The following MKRN3 variants were observed in gnomAD, a reference collection of about 807,000 sequenced individuals.
The protein encoded by MKRN3 is makorin ring finger protein 3, also known as E3 ubiquitin-protein ligase makorin-3.
For missense variants in MKRN3, 749 were observed against 667.0 expected (o/e 1.12, Z -1.35); for synonymous variants, 301 against 250.2 (o/e 1.20, Z -1.91).
In MKRN3 at chr15:23,566,821, T is replaced by A; in HGVS notation, c.1039T>A (p.Trp347Arg). ...HSFCIRCIRR[W>R]RSARQFENRI... ...CTTCTGTATTAGGTGTATCCGCAGG[T>A]GGAGAAGTGCCAGACAGTTTGAGAA... Residue 347 changes from tryptophan to arginine, a missense_variant, in exon 1 of 1, where the codon TGG (tryptophan) becomes AGG (arginine). Trp to Arg is a moderately radical substitution (Grantham distance 101). Transcript: ENST00000314520. 6.2e-7 allele frequency: 1 copy of A among 1,614,180 alleles called. No homozygotes were observed. The highest frequency in any genetic ancestry group is 8.5e-7 in the Non-Finnish European group (1 of 1,180,040).
chr15:23,567,380 ACT>A lies in MKRN3; in HGVS notation c.*77_*78del. ...TATTGCCTGTTTTCCCTGTGTTGAC[ACT>A]CTTACTGCTTTCAGGGGCTGTTGAG... On this transcript the variant is annotated 3_prime_UTR_variant, in exon 1 of 1. Coordinates refer to ENST00000314520, the MANE Select transcript of MKRN3 (RefSeq NM_005664.4). 1 of 1,557,584 alleles carries A rather than the reference ACT, an allele frequency of 6.4e-7. No homozygotes were observed. The highest frequency in any genetic ancestry group is 8.7e-7 in the Non-Finnish European group (1 of 1,152,748).
At position 23,566,140 on chromosome 15, in the gene MKRN3, G is replaced by A. The variant is rs772698198; in HGVS notation, c.358G>A (p.Asp120Asn). 3 of 1,613,986 alleles carry A rather than the reference G, an allele frequency of 1.9e-6. No homozygotes were observed. Among genetic ancestry groups the A allele is most frequent in the African/African-American group, 1.3e-5 (1 of 74,940 alleles). The part of the protein sequence containing the change: ...KEGENCRYSH[D>N]LSGRKMATEG... ...GGGGGAGAACTGTCGCTATTCGCAC[G>A]ACCTTTCTGGTCGGAAGATGGCCAC... Residue 120 changes from aspartate to asparagine, a missense_variant, in exon 1 of 1, where the codon GAC (aspartate) becomes AAC (asparagine). By Grantham distance (23) the Asp-to-Asn change is conservative (BLOSUM62 1). Coordinates refer to ENST00000314520, the MANE Select transcript of MKRN3 (RefSeq NM_005664.4).
Position 23,567,358 on chromosome 15 carries a change from T to C in MKRN3, c.*52T>C. On this transcript the variant is annotated 3_prime_UTR_variant, in exon 1 of 1. Transcript: ENST00000314520. Reference sequence around the variant, plus strand: ...CTGCTGAGGTTCTGTCGTCTGCTATTGCCTGTTTTCCCTGTGTTGACACTC... The same window carrying C: ...CTGCTGAGGTTCTGTCGTCTGCTATCGCCTGTTTTCCCTGTGTTGACACTC... The C allele has an allele frequency of 6.3e-7, 1 of 1,586,434 alleles. No individual in the cohort carries two copies. The highest frequency in any genetic ancestry group is 8.6e-7 in the Non-Finnish European group (1 of 1,165,630).
rs1406109267 is a variant in MKRN3, at chr15:23,567,061, G to A, written c.1279G>A (p.Gly427Arg). 2 of 1,614,240 alleles carry A rather than the reference G, an allele frequency of 1.2e-6. No homozygotes were observed. The highest frequency in any genetic ancestry group is 2.2e-5 in the East Asian group (1 of 44,878). The part of the protein sequence containing the change: ...FYKHEYPEGW[G>R]DEPPGPGGGS... The stretch of plus-strand genomic sequence containing the variant: ...CAAGCATGAATACCCTGAGGGCTGG[G>A]GAGATGAGCCTCCTGGGCCAGGTGG... The change falls in exon 1 of 1, where the codon GGA (glycine) becomes AGA (arginine). Residue 427 changes from glycine to arginine, a missense_variant. By Grantham distance (125) the Gly-to-Arg change is moderately radical (BLOSUM62 -2). Coordinates refer to ENST00000314520, the MANE Select transcript of MKRN3 (RefSeq NM_005664.4).
chr15:23,566,114 A>G lies in MKRN3; in HGVS notation c.332A>G (p.Glu111Gly). The change falls in exon 1 of 1, where the codon GAG (glutamate) becomes GGG (glycine). Residue 111 changes from glutamate to glycine, a missense_variant. Transcript: ENST00000314520. ...CRYYIHGQCK[E>G]GENCRYSHDL... Reference sequence around the variant, plus strand: ...TATTATATACATGGGCAGTGCAAGGAGGGGGAGAACTGTCGCTATTCGCAC... The same window carrying G: ...TATTATATACATGGGCAGTGCAAGGGGGGGGAGAACTGTCGCTATTCGCAC... 2 of 1,614,176 alleles carry G rather than the reference A, an allele frequency of 1.2e-6. No homozygotes were observed. The highest frequency in any genetic ancestry group is 1.7e-6 in the Non-Finnish European group (2 of 1,180,042).
Position 23,566,532 on chromosome 15 carries a change from A to C in MKRN3, c.750A>C (p.Gly250=). 1 of 1,613,962 alleles carries C rather than the reference A, an allele frequency of 6.2e-7. No individual in the cohort carries two copies. The highest frequency in any genetic ancestry group is 8.5e-7 in the Non-Finnish European group (1 of 1,179,968). The change falls in exon 1 of 1, where the codon GGA becomes GGC. Residue 250 remains glycine, a synonymous_variant. Coordinates refer to ENST00000314520, the MANE Select transcript of MKRN3 (RefSeq NM_005664.4). ...GLRFCYYASR[G]VCFRGESCMY... ...GGTTTTGCTATTATGCTTCCAGGGG[A>C]GTTTGCTTTCGTGGGGAGAGCTGTA...
In MKRN3 at chr15:23,566,264, C is replaced by G. The variant is rs200402711; in HGVS notation, c.482C>G (p.Pro161Arg). The change falls in exon 1 of 1, where the codon CCG becomes CGG. Residue 161 changes from proline to arginine, a missense_variant. Transcript: ENST00000314520. ...ACTCAGGAAGTGGCGGAAGCCCCCC[C>G]GGCTGCATCCTCCCTTTCCTTGCCT... ...PPTQEVAEAP[P>R]AASSLSLPVI... The G allele has an allele frequency of 5.0e-6, 8 of 1,613,794 alleles. No homozygotes were observed. The highest frequency in any genetic ancestry group is 5.9e-6 in the Non-Finnish European group (7 of 1,180,046).
rs1889085843 is a variant in MKRN3 at position 23,566,162 on chromosome 15, C to T, written c.380C>T (p.Ala127Val). ...YSHDLSGRKM[A>V]TEGGVSPPGA... ...CACGACCTTTCTGGTCGGAAGATGGCCACTGAGGGTGGCGTTTCGCCGCCT... is the reference window on the plus strand; with the variant it reads ...CACGACCTTTCTGGTCGGAAGATGGTCACTGAGGGTGGCGTTTCGCCGCCT... Residue 127 changes from alanine (A) to valine (V), a missense_variant, in exon 1 of 1, where the codon GCC (alanine) becomes GTC (valine). Coordinates refer to ENST00000314520, the MANE Select transcript of MKRN3 (RefSeq NM_005664.4). 3 of 1,613,996 alleles carry T rather than the reference C, an allele frequency of 1.9e-6. No homozygotes were observed. In the East Asian group the frequency reaches 6.7e-5, roughly 36 times the overall value.
Position 23,567,528 on chromosome 15 carries a change from C to A in MKRN3, c.*222C>A. The A allele has an allele frequency of 7.2e-7, 1 of 1,386,394 alleles. No individual in the cohort carries two copies. Among genetic ancestry groups the A allele is most frequent in the East Asian group, 2.8e-5 (1 of 35,930 alleles). The allele number at this position is 1,386,394 out of a possible 1,614,324, so 85.9% of individuals were successfully genotyped here. On this transcript the variant is annotated 3_prime_UTR_variant, in exon 1 of 1. Coordinates refer to ENST00000314520, the MANE Select transcript of MKRN3 (RefSeq NM_005664.4). ...TTGGTGAAATTAATATTAATGTCAGCTTATGGCTTTTTTTTGTCATCTCTG... is the reference window on the plus strand; with the variant it reads ...TTGGTGAAATTAATATTAATGTCAGATTATGGCTTTTTTTTGTCATCTCTG...
Position 23,567,263 on chromosome 15 carries a change from T to G in MKRN3, c.1481T>G (p.Leu494Trp), listed in dbSNP as rs780370596. 1 of 1,614,206 alleles carries G rather than the reference T, an allele frequency of 6.2e-7. No individual in the cohort carries two copies. The highest frequency in any genetic ancestry group is 1.7e-5 in the Admixed American group (1 of 60,024). ...ELPFSEDQWDLLHYELEEYFN... is the reference protein window; with the variant it reads ...ELPFSEDQWDWLHYELEEYFN... Reference sequence around the variant, plus strand: ...CCCTTCTCTGAGGACCAGTGGGACTTGCTTCATTATGAGCTGGAAGAATAT... The same window carrying G: ...CCCTTCTCTGAGGACCAGTGGGACTGGCTTCATTATGAGCTGGAAGAATAT... Residue 494 changes from leucine (L) to tryptophan (W), a missense_variant, in exon 1 of 1, where the codon TTG becomes TGG. Physicochemically the swap from Leu to Trp is moderately conservative, Grantham distance 61 (BLOSUM62 -2). Coordinates refer to ENST00000314520, the MANE Select transcript of MKRN3 (RefSeq NM_005664.4).
chr15:23,567,273 T>C lies in MKRN3; in HGVS notation c.1491T>C (p.Tyr497=), dbSNP rs768877973. The change falls in exon 1 of 1, where the codon TAT becomes TAC. Residue 497 remains tyrosine, a synonymous_variant. Coordinates refer to ENST00000314520, the MANE Select transcript of MKRN3 (RefSeq NM_005664.4). ...FSEDQWDLLH[Y]ELEEYFNLIL ...AGGACCAGTGGGACTTGCTTCATTATGAGCTGGAAGAATATTTCAATTTGA... is the reference window on the plus strand; with the variant it reads ...AGGACCAGTGGGACTTGCTTCATTACGAGCTGGAAGAATATTTCAATTTGA... The C allele has an allele frequency of 4.6e-5, 74 of 1,614,106 alleles. No individual in the cohort carries two copies. Among genetic ancestry groups the C allele is most frequent in the Non-Finnish European group, 6.1e-5 (72 of 1,180,044 alleles).
At position 23,565,847 on chromosome 15, in the gene MKRN3, C is replaced by A. The variant is rs926867767; in HGVS notation, c.65C>A (p.Ala22Glu). Residue 22 changes from alanine (A) to glutamate (E), a missense_variant, in exon 1 of 1, where the codon GCA becomes GAA. Physicochemically the swap from Ala to Glu is moderately radical, Grantham distance 107. Transcript: ENST00000314520. The part of the protein sequence containing the change: ...EAAGAQAGAE[A>E]AREGVSGPDL... ...GCCGGGGCCCAGGCAGGTGCTGAGG[C>A]AGCAAGGGAGGGTGTGTCTGGGCCG... 6 of 1,613,406 alleles carry A rather than the reference C, an allele frequency of 3.7e-6. No homozygotes were observed. The highest frequency in any genetic ancestry group is 4.2e-6 in the Non-Finnish European group (5 of 1,179,680).
At position 23,566,280 on chromosome 15, in the gene MKRN3, T is replaced by C; in HGVS notation, c.498T>C (p.Leu166=). ...AAGCCCCCCCGGCTGCATCCTCCCT[T>C]TCCTTGCCTGTGATTGGCTCGGCTG... is the stretch of plus-strand genomic sequence containing the variant. ...VAEAPPAASS[L]SLPVIGSAAE... Residue 166 remains leucine (L), a synonymous_variant, in exon 1 of 1, where the codon CTT becomes CTC. Coordinates refer to ENST00000314520, the MANE Select transcript of MKRN3 (RefSeq NM_005664.4). 6.2e-7 allele frequency: 1 copy of C among 1,614,114 alleles called. No homozygotes were observed. Among genetic ancestry groups the C allele is most frequent in the South Asian group, 1.1e-5 (1 of 91,090 alleles).
In MKRN3 at chr15:23,568,024, G is replaced by C; in HGVS notation, c.*718G>C. 1.5e-6 allele frequency: 1 copy of C among 653,716 alleles called. No homozygotes were observed. The highest frequency in any genetic ancestry group is 1.9e-6 in the Non-Finnish European group (1 of 526,598). The allele number at this position is 653,716 out of a possible 1,614,324, so 40.5% of individuals were successfully genotyped here. A position where few individuals can be genotyped will look rare whatever the true frequency, so the allele number is the denominator to read the frequency against. On this transcript the variant is annotated 3_prime_UTR_variant, in exon 1 of 1. Coordinates refer to ENST00000314520, the MANE Select transcript of MKRN3 (RefSeq NM_005664.4). ...TAAAGTAAATACAGAGCTGAAAGCT[G>C]AAGGTCAAAGCCTAACAGGATTGGC...
In MKRN3 at chr15:23,567,926, G is replaced by A; in HGVS notation, c.*620G>A. The A allele has an allele frequency of 2.8e-6, 2 of 725,450 alleles. No homozygotes were observed. Among genetic ancestry groups the A allele is most frequent in the Non-Finnish European group, 3.4e-6 (2 of 582,560 alleles). 44.9% of individuals were successfully genotyped at this position (725,450 alleles called of 1,614,324 possible). A position where few individuals can be genotyped will look rare whatever the true frequency, so the allele number is the denominator to read the frequency against. On this transcript the variant is annotated 3_prime_UTR_variant, in exon 1 of 1. Transcript: ENST00000314520. ...GAATTATATATATAAAAATATATAT[G>A]TATAAGAGTTATGTATTTGAAAAAA...
chr15:23,566,346 C>T lies in MKRN3; in HGVS notation c.564C>T (p.Asp188=). Residue 188 remains aspartate (D), a synonymous_variant, in exon 1 of 1, where the codon GAC becomes GAT. Coordinates refer to ENST00000314520, the MANE Select transcript of MKRN3 (RefSeq NM_005664.4). The part of the protein sequence containing the change: ...GFFEAERDNA[D]RGAAGGAGVE... ...TTGAAGCCGAGAGAGACAATGCAGA[C>T]CGTGGAGCTGCTGGAGGAGCAGGTG... is the stretch of plus-strand genomic sequence containing the variant. The T allele has an allele frequency of 6.2e-7, 1 of 1,614,158 alleles. No individual in the cohort carries two copies. The highest frequency in any genetic ancestry group is 1.1e-5 in the South Asian group (1 of 91,072).
At position 23,566,086 on chromosome 15, in the gene MKRN3, A is replaced by T; in HGVS notation, c.304A>T (p.Arg102Trp). The change falls in exon 1 of 1, where the codon AGG (arginine) becomes TGG (tryptophan). Residue 102 changes from arginine (R) to tryptophan (W), a missense_variant. Physicochemically the swap from Arg to Trp is moderately radical, Grantham distance 101. Coordinates refer to ENST00000314520, the MANE Select transcript of MKRN3 (RefSeq NM_005664.4). ...SGIWTKQIICRYYIHGQCKEG... is the reference protein window; with the variant it reads ...SGIWTKQIICWYYIHGQCKEG... ...CATTTGGACAAAGCAGATCATCTGC[A>T]GGTATTATATACATGGGCAGTGCAA... is the stretch of plus-strand genomic sequence containing the variant. The T allele has an allele frequency of 6.2e-7, 1 of 1,614,218 alleles. No individual in the cohort carries two copies. Among genetic ancestry groups the T allele is most frequent in the Non-Finnish European group, 8.5e-7 (1 of 1,180,048 alleles).
In MKRN3 at chr15:23,566,534, T is replaced by A. The variant is rs1191921517; in HGVS notation, c.752T>A (p.Val251Asp). 5.0e-6 allele frequency: 8 copies of A among 1,614,016 alleles called. No homozygotes were observed. The highest frequency in any genetic ancestry group is 5.1e-6 in the Non-Finnish European group (6 of 1,180,012). ...LRFCYYASRGVCFRGESCMYL... is the reference protein window; with the variant it reads ...LRFCYYASRGDCFRGESCMYL... ...TTTTGCTATTATGCTTCCAGGGGAG[T>A]TTGCTTTCGTGGGGAGAGCTGTATG... The change falls in exon 1 of 1, where the codon GTT (valine) becomes GAT (aspartate). Residue 251 changes from valine (V) to aspartate (D), a missense_variant. Transcript: ENST00000314520.
In MKRN3 at chr15:23,566,986, T is replaced by C; in HGVS notation, c.1204T>C (p.Tyr402His). Residue 402 changes from tyrosine (Y) to histidine (H), a missense_variant, in exon 1 of 1, where the codon TAT becomes CAT. By Grantham distance (83) the Tyr-to-His change is moderately conservative (BLOSUM62 2). Coordinates refer to ENST00000314520, the MANE Select transcript of MKRN3 (RefSeq NM_005664.4). ...KEAMSNKACR[Y>H]FAEGRGNCPF... The stretch of plus-strand genomic sequence containing the variant: ...GGCAATGAGCAACAAGGCCTGCAGG[T>C]ATTTTGCGGAAGGCAGGGGTAACTG... 6.2e-7 allele frequency: 1 copy of C among 1,614,132 alleles called. No individual in the cohort carries two copies.
Sources: allele counts gnomAD v4.1 joint callset, GRCh38; gene constraint gnomAD v4.1.1; transcripts MANE v1.5; gene names NCBI Gene and HGNC (gene_info 2026-07-23, HGNC 2026-07-21).